Variants in SGCG observed in about 807,000 individuals in gnomAD.
SGCG encodes the protein sarcoglycan gamma.
In SGCG, 26 loss-of-function variants were observed where a neutral mutation model predicts 29.3. The ratio of observed to expected loss-of-function variants is 0.89; its 90% CI spans 0.65 to 1.23. The LOEUF is 1.23. Among genes scored for constraint, SGCG ranks in the 50% most tolerant of loss-of-function variants. SGCG has a pLI of 0.00. For synonymous variants in SGCG, 145 were observed against 129.7 expected, an observed-to-expected ratio of 1.12 and a Z score of -0.80; for missense variants, 353 against 356.0, an observed-to-expected ratio of 0.99 and a Z score of 0.07.
At chr13:23,256,912 T>C (rs562919292) in intron 4 of SGCG, among the ~76,000 whole-genome samples, 2 of 152,308 alleles carry the variant, frequency 1.3e-5, no homozygotes, top group Non-Finnish European at 2.9e-5. Flanking sequence ...GATCGCTGGG[T>C]CAAATGGAAT....
In SGCG at chr13:23,202,426, G is replaced by A. The variant is rs191512263; in HGVS notation, c.1-1269G>A. 3.3e-5 allele frequency among the ~76,000 whole-genome samples: 5 copies of A among 152,280 alleles called. No homozygotes were observed. The East Asian group carries it at 9.6e-4, about 29-fold the overall frequency. ...AATGTAGAGATGTAGACAGATTTCA[G>A]ATATATATGGAAGGTAGAATTGATA... On this transcript the variant is annotated intron_variant, in intron 1 of 7. Transcript: ENST00000218867.
chr13:23,252,953 C>T (rs1030887219), intron 4 of SGCG, among the ~76,000 whole-genome samples: 6 of 152,028 alleles, frequency 3.9e-5, no homozygotes, highest in African/African-American at 1.4e-4. Context: ...TTCCACTGGC[C>T]CTCCTCTCTA....
chr13:23,293,830 TA>T (rs10579291), intron 5 of SGCG, among the ~76,000 whole-genome samples: 7,719 of 143,038 alleles, frequency 0.054, 618 homozygotes, highest in African/African-American at 0.18. Flanking sequence ...GATTCCGTCT[TA>T]AAAAAAAAAA....
rs72016136 is a variant in SGCG, at chr13:23,234,485, T to TATTC, written c.196-125_196-124insTTCA. 1.1e-3 allele frequency: 645 copies of TATTC among 566,792 alleles called. 5 individuals are homozygous for TATTC. The African/African-American group carries it at 0.031, about 27-fold the overall frequency. The allele number at this position is 566,792 out of a possible 1,614,324, so 35.1% of individuals were successfully genotyped here. On this transcript the variant is annotated intron_variant, in intron 2 of 7. Transcript: ENST00000218867. ...TAAAGATGCAAAGTTTTAAATACAC[T>TATTC]AGGAGAAATGCAGAAAAGGTGGTAG...
At chr13:23,237,797 TC>T (rs1879367670) in intron 3 of SGCG, among the ~76,000 whole-genome samples, 1 of 77,530 alleles carries the variant, frequency 1.3e-5, no homozygotes, top group African/African-American at 5.2e-5. Context: ...GAAATCTTCA[TC>T]TAAAAAAAAA....
chr13:23,287,700 T>C lies in SGCG; in HGVS notation c.506-7715T>C, dbSNP rs564080616. On this transcript the variant is annotated intron_variant, in intron 5 of 7. Coordinates refer to ENST00000218867, the MANE Select transcript of SGCG (RefSeq NM_000231.3). ...ACTTGACTTATTCTTTTTTATTTCA[T>C]ATAATTTCACAGTTTTTTGTTACCA... 2.0e-5 allele frequency among the ~76,000 whole-genome samples: 3 copies of C among 152,328 alleles called. No individual in the cohort carries two copies. In the East Asian group the frequency reaches 5.8e-4, roughly 29 times the overall value.
rs151055660 is a variant in SGCG, at chr13:23,320,335, T to C, written c.579-302T>C. Reference sequence around the variant, plus strand: ...TAAATGGCATTTTCTTCTGAAATAGTATGCCAGAGTACTTAACTATGCCAT... The same window carrying C: ...TAAATGGCATTTTCTTCTGAAATAGCATGCCAGAGTACTTAACTATGCCAT... On this transcript the variant is annotated intron_variant, in intron 6 of 7. Coordinates refer to ENST00000218867, the MANE Select transcript of SGCG (RefSeq NM_000231.3). Among the ~76,000 whole-genome samples the C allele has an allele frequency of 2.0e-5, 3 of 152,208 alleles. No individual in the cohort carries two copies. The East Asian group carries it at 5.8e-4, about 29-fold the overall frequency.
intron 1 of SGCG, among the ~76,000 whole-genome samples, chr13:23,197,731 A>C (rs890807842): frequency 6.5e-5 from 7 of 107,466 alleles, no homozygotes; most frequent in African/African-American, 2.3e-4. Context: ...AGGAGGTCTA[A>C]ATATATCTTA....
intron 6 of SGCG, among the ~76,000 whole-genome samples, chr13:23,308,449 C>A (rs1356312354): frequency 6.6e-6 from 1 of 152,048 alleles, no homozygotes; most frequent in Non-Finnish European, 1.5e-5. Flanking sequence ...TGGCTTTTTT[C>A]TTCTTAAACC....
At chr13:23,165,857 A>G in the SGCG span, among the ~76,000 whole-genome samples, 1 of 152,068 alleles carries the variant, frequency 6.6e-6, no homozygotes, top group Non-Finnish European at 1.5e-5. Context: ...CATTGCTGGC[A>G]TTTATTAAAG....
At chr13:23,224,770 C>T (rs1466601403) in intron 2 of SGCG, among the ~76,000 whole-genome samples, 5 of 152,116 alleles carry the variant, frequency 3.3e-5, no homozygotes, top group African/African-American at 4.8e-5. Context: ...ACACAACACT[C>T]AAGGTTTTCA....
At chr13:23,179,193 G>C (rs1876652770), upstream of SGCG, among the ~76,000 whole-genome samples, 1 of 152,192 alleles carries the variant, frequency 6.6e-6, no homozygotes, top group South Asian at 2.1e-4. Context: ...TTCAAAATGT[G>C]TGTGTGTGAG....
chr13:23,198,965 G>A (rs191040076), intron 1 of SGCG, among the ~76,000 whole-genome samples: 34,146 of 151,548 alleles, frequency 0.23, 4,126 homozygotes, highest in East Asian at 0.35. Flanking sequence ...AAAATTAGCG[G>A]GGCGTGGTGG....
chr13:23,187,853 C>T (rs1877053618), intron 1 of SGCG, among the ~76,000 whole-genome samples: 1 of 152,246 alleles, frequency 6.6e-6, no homozygotes, highest in South Asian at 2.1e-4. Context: ...CCCAGTAGCA[C>T]TCGGAGAAGT....
intron 2 of SGCG, among the ~76,000 whole-genome samples, chr13:23,217,204 T>C (rs916903566): frequency 1.3e-5 from 2 of 152,172 alleles, no homozygotes; most frequent in African/African-American, 4.8e-5. Context: ...AATAACTATG[T>C]TTCCTATTAG....
At chr13:23,264,083 G>C (rs1489928876) in intron 4 of SGCG, among the ~76,000 whole-genome samples, 1 of 151,964 alleles carries the variant, frequency 6.6e-6, no homozygotes, top group East Asian at 1.9e-4. Flanking sequence ...GCTAGCCAGA[G>C]TAATCATTGC....
intron 2 of SGCG, among the ~76,000 whole-genome samples, chr13:23,232,880 G>A (rs1034776409): frequency 3.9e-5 from 6 of 152,170 alleles, no homozygotes; most frequent in Non-Finnish European, 8.8e-5. Flanking sequence ...GATAAAAATG[G>A]ATTCTTCCAT....
At chr13:23,274,478 CTGCAAGCTCCACCCCCCAGG>C (rs965316200) in intron 4 of SGCG, among the ~76,000 whole-genome samples, 3 of 142,278 alleles carry the variant, frequency 2.1e-5, no homozygotes, top group African/African-American at 5.3e-5. Context: ...TCTTGGCTCG[CTGCAAGCTCCACCCCCCAGG>C]TGCAAGCTCC....
At chr13:23,192,795 G>T (rs1877329131) in intron 1 of SGCG, among the ~76,000 whole-genome samples, 1 of 152,174 alleles carries the variant, frequency 6.6e-6, no homozygotes, top group Non-Finnish European at 1.5e-5. Context: ...TCCTAAACAT[G>T]GAAATCTATT....
Sources: gnomAD v4.1 joint callset for allele counts (sites outside exome capture counted in the v4.1 genomes callset) on GRCh38, gnomAD v4.1.1 for gene constraint, MANE v1.5 for transcripts, NCBI Gene and HGNC (gene_info 2026-07-23, HGNC 2026-07-21) for gene names.